The following CFTR variants were observed in gnomAD, a reference collection of about 807,000 sequenced individuals.
The protein encoded by CFTR is CF transmembrane conductance regulator.
CFTR carries 181 observed loss-of-function variants against 171.6 expected under a neutral mutation model. That is an observed-to-expected ratio of 1.05 (90% CI 0.93 to 1.19). CFTR has a LOEUF of 1.19. Ranked by LOEUF, CFTR falls within the 50% of genes most tolerant of loss-of-function variation. The pLI is 0.00. For synonymous variants in CFTR, 583 were observed against 608.0 expected, an observed-to-expected ratio of 0.96 and a Z score of 0.60; for missense variants, 1,968 against 1,734.7, an observed-to-expected ratio of 1.13 and a Z score of -2.39.
chr7:117,638,055 T>C (rs1792853295), intron 22 of CFTR, among the ~76,000 whole-genome samples: 1 of 152,150 alleles, frequency 6.6e-6, no homozygotes, highest in South Asian at 2.1e-4. Flanking sequence ...ACACTGAATC[T>C]CCAGCAATTT....
rs539061463 is a variant in CFTR at position 117,567,825 on chromosome 7, A to G, written c.1584+8170A>G. ...AGCTTTCATTCTAGTAGAGAAGATG[A>G]AAACCAGTACAGTTTGGTAAGTTAG... On this transcript the variant is annotated intron_variant, in intron 11 of 26. Transcript: ENST00000003084. 4.6e-5 allele frequency among the ~76,000 whole-genome samples: 7 copies of G among 152,326 alleles called. No individual in the cohort carries two copies. The South Asian group carries it at 1.4e-3, about 32-fold the overall frequency.
At chr7:117,612,182 C>T (rs1219626177) in intron 20 of CFTR, among the ~76,000 whole-genome samples, 1 of 148,742 alleles carries the variant, frequency 6.7e-6, no homozygotes. Context: ...GTGAAGGGTC[C>T]TAGCTTCAAA....
intron 11 of CFTR, among the ~76,000 whole-genome samples, chr7:117,576,856 C>T (rs918133786): frequency 6.8e-6 from 1 of 148,120 alleles, no homozygotes; most frequent in Admixed American, 6.9e-5. Context: ...CCTTAATTGT[C>T]TCTGTTATCT....
intron 10 of CFTR, 147 bp downstream of exon 10, chr7:117,548,970 A>G (rs1799220093): frequency 2.5e-6 from 3 of 1,214,416 alleles, no homozygotes; most frequent in Admixed American, 5.7e-5. Context: ...TGTATAATAG[A>G]AATTGTTCCA....
At chr7:117,557,236 T>A (rs1009593319) in intron 10 of CFTR, among the ~76,000 whole-genome samples, 1 of 152,136 alleles carries the variant, frequency 6.6e-6, no homozygotes, top group African/African-American at 2.4e-5. Flanking sequence ...AAACAAATTT[T>A]CTTTGTTTTC....
intron 1 of CFTR, among the ~76,000 whole-genome samples, chr7:117,500,274 C>CTTTATT (rs1562881494): frequency 7.5e-6 from 1 of 133,418 alleles, no homozygotes; most frequent in Admixed American, 7.5e-5. Flanking sequence ...AATTTTCTTC[C>CTTTATT]TTTCTTTTTT....
intron 3 of CFTR, among the ~76,000 whole-genome samples, chr7:117,513,992 G>A (rs1351405316): frequency 1.3e-5 from 2 of 152,000 alleles, no homozygotes; most frequent in Non-Finnish European, 2.9e-5. Context: ...AATTGGTCTG[G>A]GATAAAACCT....
chr7:117,646,390 A>C (rs1384494541), intron 23 of CFTR, among the ~76,000 whole-genome samples: 1 of 152,138 alleles, frequency 6.6e-6, no homozygotes, highest in Non-Finnish European at 1.5e-5. Flanking sequence ...AAGGGTCATA[A>C]AGCTTGTAGA....
rs1191342069 is a variant in CFTR, at chr7:117,642,442, G to A, written c.3722G>A (p.Gly1241Asp). The change falls in exon 23 of 27, where the codon GGC becomes GAC. Residue 1241 changes from glycine to aspartate, a missense_variant. By Grantham distance (94) the Gly-to-Asp change is moderately conservative. Coordinates refer to ENST00000003084, the MANE Select transcript of CFTR (RefSeq NM_000492.4). ...CCCATCACTTTTACCTTATAGGTGG[G>A]CCTCTTGGGAAGAACTGGATCAGGG... ...SFSISPGQRV[G>D]LLGRTGSGKS... 3 of 1,613,304 alleles carry A rather than the reference G, an allele frequency of 1.9e-6. No individual in the cohort carries two copies. Among genetic ancestry groups the A allele is most frequent in the Admixed American group, 3.3e-5 (2 of 59,960 alleles).
chr7:117,615,652 T>G (rs1362811535), intron 21 of CFTR, among the ~76,000 whole-genome samples: 1 of 151,820 alleles, frequency 6.6e-6, no homozygotes, highest in African/African-American at 2.4e-5. Flanking sequence ...TGTTTTGGTT[T>G]TCTAGAATGC....
intron 18 of CFTR, among the ~76,000 whole-genome samples, chr7:117,610,302 G>A (rs1365136865): frequency 1.3e-5 from 2 of 148,922 alleles, no homozygotes; most frequent in East Asian, 2.0e-4. Context: ...CGAGTTAGTG[G>A]GTGCAGTGCA....
At chr7:117,549,727 G>A (rs748448113) in intron 10 of CFTR, among the ~76,000 whole-genome samples, 2 of 152,016 alleles carry the variant, frequency 1.3e-5, no homozygotes, top group African/African-American at 2.4e-5. Context: ...AAGTTTAGTG[G>A]TCTCTTGAAG....
chr7:117,570,999 C>A (rs575615499), intron 11 of CFTR, among the ~76,000 whole-genome samples: 137 of 152,240 alleles, frequency 9.0e-4, no homozygotes, highest in African/African-American at 3.2e-3. Flanking sequence ...TTAAATAAGT[C>A]AGGAAATTTT....
At chr7:117,635,465 A>G (rs1313500515) in intron 22 of CFTR, among the ~76,000 whole-genome samples, 1 of 152,106 alleles carries the variant, frequency 6.6e-6, no homozygotes, top group Non-Finnish European at 1.5e-5. Context: ...TAGTTAGATA[A>G]ACATCTACTA....
intron 25 of CFTR, among the ~76,000 whole-genome samples, chr7:117,665,126 A>C (rs904293893): frequency 6.6e-6 from 1 of 152,224 alleles, no homozygotes; most frequent in Admixed American, 6.5e-5. Flanking sequence ...ACATGGGCCT[A>C]ATCTGATCCT....
At chr7:117,568,593 A>AT (rs1325162597) in intron 11 of CFTR, among the ~76,000 whole-genome samples, 2 of 152,126 alleles carry the variant, frequency 1.3e-5, no homozygotes, top group African/African-American at 4.8e-5. Flanking sequence ...ATTTTTAAAT[A>AT]TTTTTTCAGC....
rs944695963 is a variant in CFTR, at chr7:117,529,515, A to C, written c.274-1384A>C. ...CATGTACCCTAAAACTTAGAGTATA[A>C]AAAAAAAAAAAAAAAAAGTTTGAAT... On this transcript the variant is annotated intron_variant, in intron 3 of 26. Transcript: ENST00000003084. 4.2e-3 allele frequency among the ~76,000 whole-genome samples: 240 copies of C among 57,038 alleles called. 2 individuals carry two copies. In the African/African-American group the frequency reaches 0.064, roughly 15 times the overall value. 37.4% of individuals were successfully genotyped at this position (57,038 alleles called of 152,430 possible).
chr7:117,596,518 G>A (rs950115806), intron 15 of CFTR, among the ~76,000 whole-genome samples: 24 of 152,378 alleles, frequency 1.6e-4, no homozygotes, highest in Middle Eastern at 3.4e-3. Context: ...GGGCTGGCAG[G>A]CAGCTCCACC....
In CFTR at chr7:117,647,601, G is replaced by A. The variant is rs559455067; in HGVS notation, c.3873+5008G>A. Among the ~76,000 whole-genome samples, 290 of 151,098 alleles carry A rather than the reference G, an allele frequency of 1.9e-3. 1 individual carries two copies. Among genetic ancestry groups the A allele is most frequent in the African/African-American group, 6.8e-3 (280 of 41,120 alleles). ...ATCCAGTTACCTCCCACCAGGCCCC[G>A]CCTCCAACACTGGGAATTACAATTC... On this transcript the variant is annotated intron_variant, in intron 23 of 26. Transcript: ENST00000003084.
Sources: allele counts gnomAD v4.1 joint callset (sites outside exome capture counted in the v4.1 genomes callset), GRCh38; gene constraint gnomAD v4.1.1; transcripts MANE v1.5; gene names NCBI Gene and HGNC (gene_info 2026-07-23, HGNC 2026-07-21).